The following LYPLA1 variants were observed in gnomAD, a reference collection of about 807,000 sequenced individuals.
The protein encoded by LYPLA1 is acyl-protein thioesterase 1.
Under a neutral mutation model 34.0 loss-of-function variants are expected in LYPLA1, and 17 were observed. The observed-to-expected ratio is 0.50, with a 90% CI of 0.34 to 0.75. The LOEUF is 0.75. Ranked by LOEUF, LYPLA1 falls within the 30% of genes least tolerant of loss-of-function variation. The pLI, the probability that LYPLA1 is intolerant of heterozygous loss-of-function variation, is 0.01. For missense variants in LYPLA1, 203 were observed against 288.8 expected, an observed-to-expected ratio of 0.70 and a Z score of 2.15; for synonymous variants, 98 against 100.8, an observed-to-expected ratio of 0.97 and a Z score of 0.17.
intron 2 of LYPLA1, among the ~76,000 whole-genome samples, chr8:54,072,536 T>A (rs572796823): frequency 1.3e-4 from 20 of 151,960 alleles, no homozygotes; most frequent in African/African-American, 4.6e-4. Flanking sequence ...AATTTACAAG[T>A]AAAAAACAAA....
chr8:54,062,366 A>G (rs1232439967), intron 4 of LYPLA1, 42 bp from the exon 5 acceptor site: 1 of 1,286,520 alleles, frequency 7.8e-7, no homozygotes. Context: ...AGAAAAATCT[A>G]TTATTGTAGT....
At chr8:54,066,576 T>C (rs907876268) in intron 2 of LYPLA1, among the ~76,000 whole-genome samples, 4 of 148,340 alleles carry the variant, frequency 2.7e-5, no homozygotes, top group African/African-American at 1.0e-4. Context: ...AGGTCAGGAG[T>C]TCAAGACAAG....
intron 2 of LYPLA1, among the ~76,000 whole-genome samples, chr8:54,078,585 C>T (rs1808073239): frequency 6.6e-6 from 1 of 152,204 alleles, no homozygotes; most frequent in Non-Finnish European, 1.5e-5. Flanking sequence ...CATCTATATT[C>T]AGCTAAAGGT....
At chr8:54,089,008 C>T (rs923322917) in intron 2 of LYPLA1, among the ~76,000 whole-genome samples, 20 of 152,160 alleles carry the variant, frequency 1.3e-4, no homozygotes, top group African/African-American at 3.4e-4. Flanking sequence ...TCCATTTCTA[C>T]GCAGAATAAG....
At chr8:54,101,426 G>A (rs995790881) in intron 1 of LYPLA1, 2 of 1,075,638 alleles carry the variant, frequency 1.9e-6, no homozygotes, top group East Asian at 6.3e-5. Context: ...ATTTCCTGGC[G>A]GACTTAGGTT....
chr8:54,053,410 T>C (rs1805984610), intron 6 of LYPLA1: 1 of 325,038 alleles, frequency 3.1e-6, no homozygotes, highest in South Asian at 2.6e-5. Context: ...TTGGTATTAC[T>C]TTCTAAATGA....
chr8:54,061,655 TC>T (rs1806644193), intron 5 of LYPLA1, among the ~76,000 whole-genome samples: 1 of 151,836 alleles, frequency 6.6e-6, no homozygotes, highest in South Asian at 2.1e-4. Flanking sequence ...GGTGTGCGCC[TC>T]CATGGTCCCA....
intron 7 of LYPLA1, 60 bp from the exon 8 acceptor site, chr8:54,051,248 G>C: frequency 7.2e-7 from 1 of 1,388,706 alleles, no homozygotes; most frequent in East Asian, 2.5e-5. Flanking sequence ...CACTATGCCA[G>C]GCATTTAAAA....
chr8:54,064,999 C>A (rs903758482), intron 3 of LYPLA1, among the ~76,000 whole-genome samples: 1 of 152,098 alleles, frequency 6.6e-6, no homozygotes, highest in Non-Finnish European at 1.5e-5. Flanking sequence ...TAAGTTTGCT[C>A]AAAACTTTCA....
At chr8:54,078,830 A>G (rs921661171) in intron 2 of LYPLA1, among the ~76,000 whole-genome samples, 7 of 152,092 alleles carry the variant, frequency 4.6e-5, no homozygotes, top group African/African-American at 1.7e-4. Flanking sequence ...GAGCTATATC[A>G]ATTGATTCAA....
chr8:54,083,568 C>G (rs1357105589), intron 2 of LYPLA1, among the ~76,000 whole-genome samples: 4 of 152,146 alleles, frequency 2.6e-5, no homozygotes, highest in Non-Finnish European at 5.9e-5. Flanking sequence ...GCTTTACCAG[C>G]CAGAAGGTCT....
chr8:54,049,126 G>A (rs1383050999), intron 8 of LYPLA1, among the ~76,000 whole-genome samples: 1 of 152,154 alleles, frequency 6.6e-6, no homozygotes, highest in Non-Finnish European at 1.5e-5. Flanking sequence ...CAGGTTCCCA[G>A]GCACCCTTGT....
chr8:54,084,015 G>A (rs557409208), intron 2 of LYPLA1, among the ~76,000 whole-genome samples: 385 of 151,600 alleles, frequency 2.5e-3, no homozygotes, highest in African/African-American at 9.1e-3. Context: ...GTGAATGCCT[G>A]TAATCCCAGC....
chr8:54,061,781 G>C (rs549570390), intron 5 of LYPLA1, among the ~76,000 whole-genome samples: 2 of 152,178 alleles, frequency 1.3e-5, no homozygotes, highest in East Asian at 3.9e-4. Context: ...GACCCTCTCT[G>C]GGGGGCAGGG....
At chr8:54,095,871 T>A (rs774011499) in intron 2 of LYPLA1, among the ~76,000 whole-genome samples, 1 of 152,070 alleles carries the variant, frequency 6.6e-6, no homozygotes, top group South Asian at 2.1e-4. Context: ...ATACCCGGCC[T>A]GTATTCTTGA....
chr8:54,051,806 T>G (rs1805861750), intron 7 of LYPLA1, among the ~76,000 whole-genome samples: 1 of 151,546 alleles, frequency 6.6e-6, no homozygotes, highest in Non-Finnish European at 1.5e-5. Flanking sequence ...TTTGTTTGGT[T>G]GGTTGTTTTA....
At chr8:54,094,560 T>A (rs1272972826) in intron 2 of LYPLA1, among the ~76,000 whole-genome samples, 1 of 152,214 alleles carries the variant, frequency 6.6e-6, no homozygotes, top group Non-Finnish European at 1.5e-5. Context: ...TACTTATAAA[T>A]ACTAAAACTG....
chr8:54,050,030 T>G (rs1033759102), intron 8 of LYPLA1, among the ~76,000 whole-genome samples: 1 of 152,220 alleles, frequency 6.6e-6, no homozygotes, highest in Admixed American at 6.5e-5. Flanking sequence ...TAAACTGTAA[T>G]GTGTCCCCCA....
chr8:54,054,114 G>A (rs1014334893), intron 6 of LYPLA1, among the ~76,000 whole-genome samples: 8 of 152,096 alleles, frequency 5.3e-5, no homozygotes, highest in African/African-American at 1.9e-4. Flanking sequence ...CGGAGTAGCT[G>A]GAGTTACAGA....
Sources: allele counts gnomAD v4.1 joint callset (sites outside exome capture counted in the v4.1 genomes callset), GRCh38; gene constraint gnomAD v4.1.1; transcripts MANE v1.5; gene names NCBI Gene and HGNC (gene_info 2026-07-23, HGNC 2026-07-21).